The following RANBP17 variants were observed in gnomAD, a reference collection of about 807,000 sequenced individuals.
RANBP17 encodes RAN binding protein 17.
In RANBP17, 158 loss-of-function variants were observed where a neutral mutation model predicts 141.2. The ratio of observed to expected loss-of-function variants is 1.12; its 90% CI spans 0.98 to 1.28. RANBP17 has a LOEUF of 1.28. RANBP17 is among the 50% of genes most tolerant of loss of function. The pLI is 0.00. For missense variants in RANBP17, 1,438 were observed against 1,290.7 expected (o/e 1.11, Z -1.75); for synonymous variants, 430 against 450.0 (o/e 0.96, Z 0.56).
chr5:171,033,507 T>C (rs1304466000), intron 14 of RANBP17, among the ~76,000 whole-genome samples: 1 of 152,220 alleles, frequency 6.6e-6, no homozygotes, highest in Non-Finnish European at 1.5e-5. Context: ...TTGCCTATGT[T>C]GCCTTTTCTA....
chr5:170,983,217 C>T (rs567917298), intron 14 of RANBP17: 50 of 392,722 alleles, frequency 1.3e-4, no homozygotes, highest in Admixed American at 1.1e-3. Flanking sequence ...GCCTTGAGAG[C>T]AACCAGTTCA....
chr5:171,041,270 AATTG>A (rs1782236404), intron 14 of RANBP17, among the ~76,000 whole-genome samples: 1 of 152,148 alleles, frequency 6.6e-6, no homozygotes, highest in South Asian at 2.1e-4. Context: ...ATTAAGCAGT[AATTG>A]ATAGCACTCA....
At chr5:171,006,676 C>G (rs1057156396) in intron 14 of RANBP17, among the ~76,000 whole-genome samples, 2 of 150,462 alleles carry the variant, frequency 1.3e-5, no homozygotes, top group Admixed American at 1.3e-4. Flanking sequence ...AGCACACCAA[C>G]ATGGCACATG....
intron 25 of RANBP17, among the ~76,000 whole-genome samples, chr5:171,287,978 A>G (rs1235726279): frequency 6.6e-6 from 1 of 152,222 alleles, no homozygotes; most frequent in Non-Finnish European, 1.5e-5. Context: ...AGTATGCTTA[A>G]CATTAACAAT....
chr5:171,018,170 G>A (rs1263481662), intron 14 of RANBP17, among the ~76,000 whole-genome samples: 1 of 152,118 alleles, frequency 6.6e-6, no homozygotes, highest in Non-Finnish European at 1.5e-5. Context: ...GTGTAGTGTA[G>A]TTTGAAGTCA....
At chr5:171,043,079 T>C (rs561410895) in intron 14 of RANBP17, among the ~76,000 whole-genome samples, 48 of 152,292 alleles carry the variant, frequency 3.2e-4, no homozygotes, top group Middle Eastern at 6.8e-3. Context: ...TGTGCAAATA[T>C]TGACCTGTAT....
intron 14 of RANBP17, among the ~76,000 whole-genome samples, chr5:171,149,101 C>T (rs1758292479): frequency 6.6e-6 from 1 of 152,188 alleles, no homozygotes; most frequent in Non-Finnish European, 1.5e-5. Flanking sequence ...CTAACTTTAC[C>T]TACTGTCTTC....
rs193140186 is a variant in RANBP17, at chr5:170,898,680, T to C, written c.489+2565T>C. Among the ~76,000 whole-genome samples the C allele has an allele frequency of 2.9e-3, 448 of 152,324 alleles. 5 individuals carry two copies. The highest frequency in any genetic ancestry group is 0.014 in the Middle Eastern group (4 of 294). Reference sequence around the variant, plus strand: ...CTTATATTTAAGTCTTTAATCCATCTTGAGTTAATTTTTGTATAAGGTGTC... The same window carrying C: ...CTTATATTTAAGTCTTTAATCCATCCTGAGTTAATTTTTGTATAAGGTGTC... On this transcript the variant is annotated intron_variant, in intron 5 of 27. Coordinates refer to ENST00000523189, the MANE Select transcript of RANBP17 (RefSeq NM_022897.5).
intron 14 of RANBP17, among the ~76,000 whole-genome samples, chr5:171,106,509 T>G (rs184326029): frequency 6.6e-6 from 1 of 152,314 alleles, no homozygotes; most frequent in Non-Finnish European, 1.5e-5. Flanking sequence ...GGGTCTGTTT[T>G]GTGAAGAAAC....
intron 12 of RANBP17, among the ~76,000 whole-genome samples, chr5:170,934,580 A>G (rs985534504): frequency 3.3e-5 from 5 of 152,174 alleles, no homozygotes; most frequent in African/African-American, 1.2e-4. Flanking sequence ...GTTTGGCTGG[A>G]TATGAAATTC....
chr5:171,066,413 A>T (rs1784315834), intron 14 of RANBP17, among the ~76,000 whole-genome samples: 1 of 152,156 alleles, frequency 6.6e-6, no homozygotes, highest in African/African-American at 2.4e-5. Context: ...AAGTTAGATT[A>T]TGCAATATTT....
chr5:171,088,331 C>T (rs960271445), intron 14 of RANBP17, among the ~76,000 whole-genome samples: 5 of 152,124 alleles, frequency 3.3e-5, no homozygotes, highest in South Asian at 2.1e-4. Flanking sequence ...CAGAGAGATT[C>T]GCTGTTGGTT....
chr5:171,054,862 C>T lies in RANBP17; in HGVS notation c.1710+86485C>T, dbSNP rs76568790. 4.0e-3 allele frequency among the ~76,000 whole-genome samples: 602 copies of T among 152,216 alleles called. 7 individuals carry two copies. Among genetic ancestry groups the T allele is most frequent in the African/African-American group, 0.014 (577 of 41,534 alleles). ...ATGCATCTTCTATAACTTCTTCAGGCTGAAAACAGGTGATGATATACATGT... is the reference window on the plus strand; with the variant it reads ...ATGCATCTTCTATAACTTCTTCAGGTTGAAAACAGGTGATGATATACATGT... On this transcript the variant is annotated intron_variant, in intron 14 of 27. Transcript: ENST00000523189.
At chr5:171,225,308 A>G (rs1318403118) in intron 22 of RANBP17, among the ~76,000 whole-genome samples, 2 of 152,246 alleles carry the variant, frequency 1.3e-5, no homozygotes, top group Non-Finnish European at 2.9e-5. Context: ...ATGTCCTTCA[A>G]CTGGGTCACC....
At chr5:171,199,456 G>A (rs1339611274) in intron 18 of RANBP17, among the ~76,000 whole-genome samples, 1 of 152,110 alleles carries the variant, frequency 6.6e-6, no homozygotes, top group Non-Finnish European at 1.5e-5. Context: ...AAAAAAAATG[G>A]CTGGTAAGTA....
intron 12 of RANBP17, 145 bp from the exon 13 acceptor site, chr5:170,953,452 C>T (rs890225034): frequency 7.0e-6 from 4 of 569,094 alleles, no homozygotes; most frequent in Non-Finnish European, 1.2e-5. Flanking sequence ...TAAAACCGAT[C>T]TGCTTTCTAT....
chr5:171,041,354 A>T (rs1782241307), intron 14 of RANBP17, among the ~76,000 whole-genome samples: 1 of 152,146 alleles, frequency 6.6e-6, no homozygotes, highest in Non-Finnish European at 1.5e-5. Flanking sequence ...CAATCTCCCA[A>T]AACAAAGAAA....
At chr5:171,213,223 A>G (rs1763014855) in intron 20 of RANBP17, among the ~76,000 whole-genome samples, 1 of 152,202 alleles carries the variant, frequency 6.6e-6, no homozygotes, top group African/African-American at 2.4e-5. Context: ...TAAGTAGTAT[A>G]GTACCCAAGA....
In RANBP17 at chr5:171,145,477, G is replaced by A. The variant is rs181686541; in HGVS notation, c.1711-24653G>A. 4.0e-3 allele frequency among the ~76,000 whole-genome samples: 608 copies of A among 152,158 alleles called. 4 individuals carry two copies. Among genetic ancestry groups the A allele is most frequent in the African/African-American group, 0.014 (585 of 41,496 alleles). On this transcript the variant is annotated intron_variant, in intron 14 of 27. Coordinates refer to ENST00000523189, the MANE Select transcript of RANBP17 (RefSeq NM_022897.5). ...CTTAGAAACAATGCATATTCTAAAG[G>A]CCATAGGAGTAGACTTGCCCTTACT...
Sources: gnomAD v4.1 joint callset for allele counts (sites outside exome capture counted in the v4.1 genomes callset) on GRCh38, gnomAD v4.1.1 for gene constraint, MANE v1.5 for transcripts, NCBI Gene and HGNC (gene_info 2026-07-23, HGNC 2026-07-21) for gene names.